Variants in TNFSF8 observed in about 807,000 individuals in gnomAD.
TNFSF8 encodes tumor necrosis factor ligand superfamily member 8.
TNFSF8 carries 4 observed loss-of-function variants against 22.0 expected under a neutral mutation model. The ratio of observed to expected loss-of-function variants is 0.18; its 90% CI spans 0.09 to 0.42. The LOEUF (loss-of-function observed/expected upper bound fraction) is 0.42. TNFSF8 is among the 10% of genes least tolerant of loss of function. The probability of loss-of-function intolerance (pLI) is 1.00; values close to 1 mark genes in which losing one functional copy is unlikely to be tolerated. For missense variants in TNFSF8, 233 were observed against 281.8 expected, an observed-to-expected ratio of 0.83 and a Z score of 1.24; for synonymous variants, 106 against 112.5, an observed-to-expected ratio of 0.94 and a Z score of 0.37.
chr9:114,906,226 A>G (rs1267359705), intron 2 of TNFSF8, among the ~76,000 whole-genome samples: 1 of 152,182 alleles, frequency 6.6e-6, no homozygotes, highest in Non-Finnish European at 1.5e-5. Context: ...TAATCTTTGC[A>G]GCAACTCTGT....
At chr9:114,926,961 TAAAA>T (rs1240459108) in intron 1 of TNFSF8, among the ~76,000 whole-genome samples, 1 of 144,844 alleles carries the variant, frequency 6.9e-6, no homozygotes, top group African/African-American at 2.5e-5. Flanking sequence ...TTAAATAACA[TAAAA>T]TATTATTTTA....
chr9:114,904,859 C>T (rs950897432), intron 3 of TNFSF8, among the ~76,000 whole-genome samples: 3 of 152,152 alleles, frequency 2.0e-5, no homozygotes, highest in African/African-American at 4.8e-5. Flanking sequence ...CCAGGAGAAT[C>T]GCCATTAATT....
chr9:114,914,827 A>G (rs1484973914), intron 2 of TNFSF8, among the ~76,000 whole-genome samples: 1 of 152,172 alleles, frequency 6.6e-6, no homozygotes, highest in Non-Finnish European at 1.5e-5. Flanking sequence ...GCTGGGGGCT[A>G]TCCTGGCCAG....
rs1350887355 is a variant in TNFSF8 at position 114,901,905 on chromosome 9, C to T, written c.*2026G>A. On this transcript the variant is annotated 3_prime_UTR_variant, in exon 4 of 4. Transcript: ENST00000223795. ...TCTCAAGTCCCTTTCATCCATACCA[C>T]CACTGCTGATTTGTTCTTTCTTTTT... 1.7e-5 allele frequency: 16 copies of T among 969,058 alleles called. No homozygotes were observed. Among genetic ancestry groups the T allele is most frequent in the Admixed American group, 6.2e-5 (1 of 16,248 alleles). The allele number at this position is 969,058 out of a possible 1,614,324, so 60.0% of individuals were successfully genotyped here.
At chr9:114,908,643 T>C (rs1006073464) in intron 2 of TNFSF8, among the ~76,000 whole-genome samples, 1 of 135,896 alleles carries the variant, frequency 7.4e-6, no homozygotes, top group African/African-American at 3.6e-5. Flanking sequence ...AACCCGAGGA[T>C]GGAAAAAAAA....
chr9:114,923,715 G>A (rs988095863), intron 1 of TNFSF8, among the ~76,000 whole-genome samples: 6 of 151,824 alleles, frequency 4.0e-5, no homozygotes, highest in Middle Eastern at 3.2e-3. Flanking sequence ...ACAGGATTTC[G>A]CCATGTTGGC....
chr9:114,897,007 A>G (rs1387414193), downstream of TNFSF8, among the ~76,000 whole-genome samples: 1 of 151,996 alleles, frequency 6.6e-6, no homozygotes, highest in Non-Finnish European at 1.5e-5. Flanking sequence ...GGTTCAAGCG[A>G]TTCTCCTGCC....
At chr9:114,925,423 A>C (rs1050335233) in intron 1 of TNFSF8, among the ~76,000 whole-genome samples, 1 of 152,052 alleles carries the variant, frequency 6.6e-6, no homozygotes. Flanking sequence ...GATGTTCCTC[A>C]CAGACAAGGA....
intron 2 of TNFSF8, among the ~76,000 whole-genome samples, chr9:114,908,225 C>T (rs1827808433): frequency 6.6e-6 from 1 of 152,212 alleles, no homozygotes; most frequent in African/African-American, 2.4e-5. Context: ...AGCAGATGCT[C>T]TGTAAATATT....
At chr9:114,921,099 T>G (rs1372403207) in intron 1 of TNFSF8, among the ~76,000 whole-genome samples, 2 of 152,210 alleles carry the variant, frequency 1.3e-5, no homozygotes, top group Non-Finnish European at 2.9e-5. Context: ...AAGGAAAGCC[T>G]CTTTTCTCTC....
chr9:114,928,979 G>A (rs978711820), intron 1 of TNFSF8, among the ~76,000 whole-genome samples: 2 of 152,176 alleles, frequency 1.3e-5, no homozygotes, highest in African/African-American at 4.8e-5. Flanking sequence ...ATAATACCAC[G>A]AAAAGTAGGC....
At chr9:114,926,217 C>A (rs1828055813) in intron 1 of TNFSF8, among the ~76,000 whole-genome samples, 1 of 152,042 alleles carries the variant, frequency 6.6e-6, no homozygotes, top group Non-Finnish European at 1.5e-5. Flanking sequence ...TTTATTGAAG[C>A]GAAAATGCAC....
chr9:114,923,477 T>TC (rs1491532887), intron 1 of TNFSF8, among the ~76,000 whole-genome samples: 3 of 125,282 alleles, frequency 2.4e-5, no homozygotes, highest in Non-Finnish European at 3.4e-5. Context: ...CTTTTCTTTC[T>TC]TTTTCTTTCT....
intron 3 of TNFSF8, among the ~76,000 whole-genome samples, chr9:114,904,621 T>C (rs1207113603): frequency 6.6e-6 from 1 of 152,220 alleles, no homozygotes; most frequent in Non-Finnish European, 1.5e-5. Flanking sequence ...TCATATTATA[T>C]TATTCTATGA....
Position 114,904,011 on chromosome 9 carries a change from C to A in TNFSF8, c.625G>T (p.Asp209Tyr). 6.2e-7 allele frequency: 1 copy of A among 1,614,052 alleles called. No individual in the cohort carries two copies. Residue 209 changes from aspartate (D) to tyrosine (Y), a missense_variant, in exon 4 of 4, where the codon GAT becomes TAT. Physicochemically the swap from Asp to Tyr is radical, Grantham distance 160. Transcript: ENST00000223795. ...CTTGTATCTATGTACTGGAATGTATCCACATTGACTGATATGGTGGTGTTG... is the reference window on the plus strand; with the variant it reads ...CTTGTATCTATGTACTGGAATGTATACACATTGACTGATATGGTGGTGTTG... Reference protein sequence around the residue: ...QVNTTISVNVDTFQYIDTSTF... With the variant: ...QVNTTISVNVYTFQYIDTSTF...
intron 2 of TNFSF8, among the ~76,000 whole-genome samples, chr9:114,915,300 GT>G: frequency 1.3e-5 from 2 of 152,152 alleles, no homozygotes; most frequent in Middle Eastern, 3.4e-3. Context: ...AAGAATTATA[GT>G]CTCATAAAGG....
chr9:114,902,837 G>A lies in TNFSF8; in HGVS notation c.*1094C>T, dbSNP rs1827733319. ...GATCCTGAGTTCCAGGGAGGGGAAG[G>A]TATAGTGAATTCTTATAATTTTATG... On this transcript the variant is annotated 3_prime_UTR_variant, in exon 4 of 4. Transcript: ENST00000223795. The A allele has an allele frequency of 2.5e-6, 2 of 816,212 alleles. No individual in the cohort carries two copies. Among genetic ancestry groups the A allele is most frequent in the East Asian group, 1.2e-4 (1 of 8,052 alleles). The allele number at this position is 816,212 out of a possible 1,614,324, so 50.6% of individuals were successfully genotyped here.
downstream of TNFSF8, among the ~76,000 whole-genome samples, chr9:114,900,001 A>G (rs1827698707): frequency 6.6e-6 from 1 of 152,216 alleles, no homozygotes; most frequent in Non-Finnish European, 1.5e-5. Flanking sequence ...AACAGCAAAA[A>G]CCTAAAAGCA....
At chr9:114,918,491 C>A in intron 1 of TNFSF8, among the ~76,000 whole-genome samples, 1 of 151,850 alleles carries the variant, frequency 6.6e-6, no homozygotes, top group Non-Finnish European at 1.5e-5. Context: ...ACTCTGTCAC[C>A]CATGCTGGAG....
Sources: gnomAD v4.1 joint callset for allele counts (sites outside exome capture counted in the v4.1 genomes callset) on GRCh38, gnomAD v4.1.1 for gene constraint, MANE v1.5 for transcripts, NCBI Gene and HGNC (gene_info 2026-07-23, HGNC 2026-07-21) for gene names.